Variants in COG5 observed in about 807,000 individuals in gnomAD.
COG5 encodes the protein conserved oligomeric Golgi complex subunit 5.
COG5 carries 86 observed loss-of-function variants against 110.4 expected under a neutral mutation model. The ratio of observed to expected loss-of-function variants is 0.78; its 90% CI spans 0.65 to 0.93. The LOEUF is 0.93. COG5 is among the 40% of genes least tolerant of loss of function. COG5 has a pLI of 0.00. For synonymous variants in COG5, 360 were observed against 334.6 expected (o/e 1.08, Z -0.83); for missense variants, 1,077 against 987.0 (o/e 1.09, Z -1.22).
chr7:107,545,616 C>T (rs1438899354), intron 5 of COG5, among the ~76,000 whole-genome samples: 6 of 151,686 alleles, frequency 4.0e-5, no homozygotes, highest in Admixed American at 3.9e-4. Flanking sequence ...GCCATCTCTA[C>T]CAAAAATACA....
rs1217480766 is a variant in COG5, at chr7:107,236,600, G to A, written c.1941C>T (p.Asp647=). 2.5e-6 allele frequency: 4 copies of A among 1,613,934 alleles called. No homozygotes were observed. The African/African-American group carries it at 5.3e-5, about 22-fold the overall frequency. ...CCAAGCATTCAAAGTGTTTAAAATA[G>A]TCACTCATAACTCTGGCAATGAAAC... is the stretch of plus-strand genomic sequence containing the variant. The part of the protein sequence containing the change: ...LQGFIARVMS[D]YFKHFECLDF... Residue 647 remains aspartate, a synonymous_variant, in exon 18 of 22, where the codon GAC becomes GAT. Transcript: ENST00000297135.
chr7:107,443,501 G>C (rs1490136416), intron 6 of COG5, among the ~76,000 whole-genome samples: 2 of 151,628 alleles, frequency 1.3e-5, no homozygotes, highest in East Asian at 3.9e-4. Flanking sequence ...GTTATAATGG[G>C]TGAATTACAT....
chr7:107,505,851 C>A (rs1325317637), intron 6 of COG5, among the ~76,000 whole-genome samples: 2 of 152,308 alleles, frequency 1.3e-5, no homozygotes, highest in Non-Finnish European at 2.9e-5. Flanking sequence ...TGTTGTTCCT[C>A]TGGGTCTAGA....
chr7:107,247,872 G>C (rs528020128), intron 17 of COG5, among the ~76,000 whole-genome samples: 1 of 152,140 alleles, frequency 6.6e-6, no homozygotes, highest in Admixed American at 6.6e-5. Context: ...CATAACCTCC[G>C]AGGAAGAAAA....
At chr7:107,324,385 T>C in intron 11 of COG5, 55 bp downstream of exon 11, 1 of 1,153,960 alleles carries the variant, frequency 8.7e-7, no homozygotes, top group Non-Finnish European at 1.3e-6. Flanking sequence ...TGACATCAAA[T>C]GATAAAATAA....
At chr7:107,305,963 G>A (rs1807679023) in intron 11 of COG5, among the ~76,000 whole-genome samples, 1 of 152,108 alleles carries the variant, frequency 6.6e-6, no homozygotes, top group Non-Finnish European at 1.5e-5. Context: ...TTACAAAAGT[G>A]TGCCAATACC....
intron 13 of COG5, 75 bp from the exon 14 acceptor site, chr7:107,281,474 C>G: frequency 3.8e-6 from 4 of 1,065,524 alleles, no homozygotes; most frequent in Non-Finnish European, 5.8e-6. Context: ...GATAAAAACT[C>G]AAACCCAATA....
chr7:107,512,092 T>G (rs370598467), intron 6 of COG5, among the ~76,000 whole-genome samples: 11 of 152,178 alleles, frequency 7.2e-5, no homozygotes, highest in South Asian at 4.1e-4. Flanking sequence ...ATTAGGAAAA[T>G]AGGAAGCCAA....
chr7:107,298,229 G>C lies in COG5; in HGVS notation c.1226C>G (p.Ala409Gly), dbSNP rs1262110272. Residue 409 changes from alanine to glycine, a missense_variant, in exon 12 of 22, where the codon GCA becomes GGA. Physicochemically the swap from Ala to Gly is moderately conservative, Grantham distance 60. Coordinates refer to ENST00000297135, the MANE Select transcript of COG5 (RefSeq NM_006348.5). The part of the protein sequence containing the change: ...YSQHIQGNFN[A>G]SGTTDLYVDL... ...AACATAGAGGTCTGTAGTTCCACTT[G>C]CATTAAAATTCCCTTGGATATGCTG... 1.2e-6 allele frequency: 2 copies of C among 1,613,168 alleles called. No homozygotes were observed. Among genetic ancestry groups the C allele is most frequent in the African/African-American group, 1.3e-5 (1 of 74,838 alleles).
chr7:107,372,538 C>T lies in COG5; in HGVS notation c.835+57G>A, dbSNP rs559621515. 81 of 1,553,424 alleles carry T rather than the reference C, an allele frequency of 5.2e-5. No individual in the cohort carries two copies. The South Asian group carries it at 8.8e-4, about 17-fold the overall frequency. Reference sequence around the variant, plus strand: ...AAACATGAGTGTTTCACATACTATTCAAAAGACTTCTCAGTTATAAATAAA... The same window carrying T: ...AAACATGAGTGTTTCACATACTATTTAAAAGACTTCTCAGTTATAAATAAA... On this transcript the variant is annotated intron_variant, in intron 8 of 21. Coordinates refer to ENST00000297135, the MANE Select transcript of COG5 (RefSeq NM_006348.5).
intron 6 of COG5, among the ~76,000 whole-genome samples, chr7:107,460,360 A>G (rs1434752205): frequency 6.6e-6 from 1 of 152,016 alleles, no homozygotes; most frequent in Non-Finnish European, 1.5e-5. Flanking sequence ...CAGTAATCGT[A>G]CCACCCTGGG....
intron 14 of COG5, among the ~76,000 whole-genome samples, chr7:107,276,892 G>A (rs1053689355): frequency 4.6e-5 from 7 of 152,050 alleles, no homozygotes; most frequent in Non-Finnish European, 8.8e-5. Flanking sequence ...ATTTTTAAAT[G>A]AAAATCTAAA....
At chr7:107,539,005 A>T (rs1191578300) in intron 5 of COG5, among the ~76,000 whole-genome samples, 1 of 152,176 alleles carries the variant, frequency 6.6e-6, no homozygotes, top group East Asian at 1.9e-4. Context: ...ACAATGGACC[A>T]GGCGGCTCAC....
In COG5 at chr7:107,201,679, A is replaced by G. The variant is rs529549920; in HGVS notation, c.*1837T>C. ...TTTCTTCCAAACTTCATATATGTCTATCAGGTAATAATAGGCTTGAAAATT... is the reference window on the plus strand; with the variant it reads ...TTTCTTCCAAACTTCATATATGTCTGTCAGGTAATAATAGGCTTGAAAATT... On this transcript the variant is annotated 3_prime_UTR_variant, in exon 22 of 22. Transcript: ENST00000297135. The G allele has an allele frequency of 9.1e-5, 35 of 384,398 alleles. No homozygotes were observed. The highest frequency in any genetic ancestry group is 1.2e-4 in the Non-Finnish European group (26 of 214,074). The allele number at this position is 384,398 out of a possible 1,614,324, so 23.8% of individuals were successfully genotyped here. A position where few individuals can be genotyped will look rare whatever the true frequency, so the allele number is the denominator to read the frequency against.
At chr7:107,508,569 G>T (rs550950273) in intron 6 of COG5, among the ~76,000 whole-genome samples, 4 of 152,192 alleles carry the variant, frequency 2.6e-5, no homozygotes, top group Non-Finnish European at 5.9e-5. Flanking sequence ...TCTGAGAATG[G>T]GCAGACTGCC....
chr7:107,335,654 A>C (rs1810639393), intron 10 of COG5, among the ~76,000 whole-genome samples: 1 of 152,148 alleles, frequency 6.6e-6, no homozygotes, highest in Admixed American at 6.6e-5. Flanking sequence ...TCAATTGTAC[A>C]ATTATAATAA....
At chr7:107,561,674 C>T (rs1563101891) in intron 1 of COG5, among the ~76,000 whole-genome samples, 1 of 152,182 alleles carries the variant, frequency 6.6e-6, no homozygotes, top group South Asian at 2.1e-4. Flanking sequence ...AGGCACTATC[C>T]TTAGAACGGA....
At position 107,297,968 on chromosome 7, in the gene COG5, T is replaced by C. The variant is rs114824266; in HGVS notation, c.1313+174A>G. On this transcript the variant is annotated intron_variant, in intron 12 of 21. Transcript: ENST00000297135. ...CAAGTGTTCAACTAAGGGTGAAAAA[T>C]TGACTTATTCAGTTAAAAGTCTTGC... Among the ~76,000 whole-genome samples the C allele has an allele frequency of 2.9e-3, 439 of 152,234 alleles. 3 individuals are homozygous for C. Among genetic ancestry groups the C allele is most frequent in the African/African-American group, 9.9e-3 (413 of 41,558 alleles).
At chr7:107,317,577 G>T (rs1808870993) in intron 11 of COG5, among the ~76,000 whole-genome samples, 1 of 152,104 alleles carries the variant, frequency 6.6e-6, no homozygotes, top group South Asian at 2.1e-4. Flanking sequence ...TCATAACTGG[G>T]AAATAAATAG....
Sources: gnomAD v4.1 joint callset for allele counts (sites outside exome capture counted in the v4.1 genomes callset) on GRCh38, gnomAD v4.1.1 for gene constraint, MANE v1.5 for transcripts, NCBI Gene and HGNC (gene_info 2026-07-23, HGNC 2026-07-21) for gene names.